TIPIN: variants seen among roughly 807,000 people sequenced by gnomAD.
TIPIN encodes TIMELESS-interacting protein.
Under a neutral mutation model 35.6 loss-of-function variants are expected in TIPIN, and 29 were observed. That is an observed-to-expected ratio of 0.82 (90% CI 0.61 to 1.11). TIPIN has a LOEUF of 1.11. Ranked by LOEUF, TIPIN falls within the 50% of genes most tolerant of loss-of-function variation. The pLI is 0.00. For synonymous variants in TIPIN, 102 were observed against 121.5 expected (o/e 0.84, Z 1.06); for missense variants, 296 against 345.4 (o/e 0.86, Z 1.13).
At position 66,362,320 on chromosome 15, in the gene TIPIN, G is replaced by A. The variant is rs542240466; in HGVS notation, c.-8-9365C>T. 4.0e-5 allele frequency among the ~76,000 whole-genome samples: 6 copies of A among 151,708 alleles called. No homozygotes were observed. In the East Asian group the frequency reaches 1.2e-3, roughly 29 times the overall value. On this transcript the variant is annotated intron_variant, in intron 1 of 7. Transcript: ENST00000562124. ...ACTCCATCTAAAAAAAAAAAAAGAAGAAGAAGACTTTTGAAAGACCAAAAA... is the reference window on the plus strand; with the variant it reads ...ACTCCATCTAAAAAAAAAAAAAGAAAAAGAAGACTTTTGAAAGACCAAAAA...
chr15:66,366,713 G>T, intron 1 of TIPIN: 1 of 605,088 alleles, frequency 1.7e-6, no homozygotes, highest in Non-Finnish European at 2.1e-6. Context: ...GTTGCAGTCA[G>T]CTGAGAATGC....
At chr15:66,359,030 T>C (rs1241112864), upstream of TIPIN, among the ~76,000 whole-genome samples, 1 of 148,480 alleles carries the variant, frequency 6.7e-6, no homozygotes, top group Non-Finnish European at 1.5e-5. Flanking sequence ...GTGATATAAC[T>C]AGACTCTGTC....
At chr15:66,343,756 T>C (rs544305936) in intron 6 of TIPIN, among the ~76,000 whole-genome samples, 5 of 152,288 alleles carry the variant, frequency 3.3e-5, no homozygotes, top group African/African-American at 1.2e-4. Context: ...CCCAGCACTT[T>C]TGGGGGCCGA....
At position 66,341,413 on chromosome 15, in the gene TIPIN, C is replaced by T; in HGVS notation, c.476-57G>A. 6.8e-6 allele frequency: 10 copies of T among 1,472,996 alleles called. No homozygotes were observed. The South Asian group carries it at 1.3e-4, about 19-fold the overall frequency. The allele number at this position is 1,472,996 out of a possible 1,614,324, so 91.2% of individuals were successfully genotyped here. On this transcript the variant is annotated intron_variant, in intron 6 of 7. Transcript: ENST00000261881. Reference sequence around the variant, plus strand: ...TGTTAGACTAGTTAGAGAAGGGCTTCTCATTGAAAAAGAATTTAAAGTGGC... The same window carrying T: ...TGTTAGACTAGTTAGAGAAGGGCTTTTCATTGAAAAAGAATTTAAAGTGGC...
chr15:66,361,675 T>C (rs955009228), upstream of TIPIN, among the ~76,000 whole-genome samples: 4 of 152,192 alleles, frequency 2.6e-5, no homozygotes, highest in South Asian at 2.1e-4. Context: ...AAAATATAGT[T>C]TTCCTACAGA....
chr15:66,356,647 G>C lies in TIPIN; in HGVS notation c.-17C>G, dbSNP rs927032234. 76 of 985,798 alleles carry C rather than the reference G, an allele frequency of 7.7e-5. 1 individual carries two copies. In the African/African-American group the frequency reaches 1.0e-3, roughly 14 times the overall value. 61.1% of individuals were successfully genotyped at this position (985,798 alleles called of 1,614,324 possible). A position where few individuals can be genotyped will look rare whatever the true frequency, so the allele number is the denominator to read the frequency against. On this transcript the variant is annotated 5_prime_UTR_variant, in exon 1 of 8. Coordinates refer to ENST00000261881, the MANE Select transcript of TIPIN (RefSeq NM_017858.3). ...CGCCAGCCAGCTCTCACCTCACGCA[G>C]AAAACACGGGACACAGCGCGGACCT...
intron 1 of TIPIN, chr15:66,382,867 C>T (rs537630150): frequency 1.3e-6 from 1 of 785,148 alleles, no homozygotes; most frequent in Non-Finnish European, 1.5e-6. Flanking sequence ...ATAGTTCAGT[C>T]TTATTCTTGT....
chr15:66,376,406 A>C (rs2093296875), intron 1 of TIPIN, among the ~76,000 whole-genome samples: 1 of 151,892 alleles, frequency 6.6e-6, no homozygotes, highest in Admixed American at 6.6e-5. Flanking sequence ...TTTTTGGTAT[A>C]TATGTCTAAT....
At chr15:66,357,566 C>T (rs2093211583), upstream of TIPIN, among the ~76,000 whole-genome samples, 4 of 117,000 alleles carry the variant, frequency 3.4e-5, no homozygotes, top group South Asian at 1.2e-3. Flanking sequence ...AGCTGGAGAT[C>T]CAGTCTGGGT....
intron 1 of TIPIN, among the ~76,000 whole-genome samples, chr15:66,380,287 G>A (rs1187797160): frequency 6.6e-6 from 1 of 150,566 alleles, no homozygotes; most frequent in Non-Finnish European, 1.5e-5. Context: ...TTACAGGCGT[G>A]AGCCACTGCG....
intron 1 of TIPIN, chr15:66,379,732 C>T: frequency 6.2e-7 from 1 of 1,608,606 alleles, no homozygotes; most frequent in African/African-American, 1.3e-5. Flanking sequence ...TTTCTGTTAC[C>T]CCACCATTTG....
At chr15:66,352,765 G>A (rs1268897967) in intron 2 of TIPIN, 50 bp downstream of exon 2, 2 of 1,531,806 alleles carry the variant, frequency 1.3e-6, no homozygotes, top group African/African-American at 1.4e-5. Flanking sequence ...ACAGGCATGA[G>A]CCACCGTGCC....
intron 1 of TIPIN, among the ~76,000 whole-genome samples, chr15:66,371,590 T>C (rs1243644564): frequency 6.6e-6 from 1 of 151,562 alleles, no homozygotes; most frequent in Non-Finnish European, 1.5e-5. Flanking sequence ...CTCGGCTCAC[T>C]GCAAGCTCTG....
At chr15:66,338,301 A>G (rs1228571312) in intron 7 of TIPIN, among the ~76,000 whole-genome samples, 1 of 152,112 alleles carries the variant, frequency 6.6e-6, no homozygotes, top group African/African-American at 2.4e-5. Flanking sequence ...ATAAAAACCA[A>G]GTGCGTTTAG....
chr15:66,364,056 A>T (rs555389648), intron 1 of TIPIN, among the ~76,000 whole-genome samples: 3 of 150,356 alleles, frequency 2.0e-5, no homozygotes, highest in African/African-American at 7.3e-5. Flanking sequence ...AACACTTCCC[A>T]CCAGGCCCCC....
At chr15:66,368,966 A>AGTTC (rs2093267963) in intron 1 of TIPIN, among the ~76,000 whole-genome samples, 7 of 152,172 alleles carry the variant, frequency 4.6e-5, no homozygotes, top group African/African-American at 1.7e-4. Flanking sequence ...GACATCACTG[A>AGTTC]ACTCTCTGAA....
Position 66,341,175 on chromosome 15 carries a change from C to T in TIPIN, c.657G>A (p.Leu219=), listed in dbSNP as rs752706474. 4 of 1,611,976 alleles carry T rather than the reference C, an allele frequency of 2.5e-6. No individual in the cohort carries two copies. Among genetic ancestry groups the T allele is most frequent in the African/African-American group, 2.7e-5 (2 of 75,002 alleles). ...LALERRQAKL[L]SNSQTLGNDM... is the part of the protein sequence containing the mutation. Reference sequence around the variant, plus strand: ...CATTTCCTAGGGTCTGACTATTACTCAGCAGCTTTGCCTGCCTTCTTTCCA... The same window carrying T: ...CATTTCCTAGGGTCTGACTATTACTTAGCAGCTTTGCCTGCCTTCTTTCCA... Residue 219 remains leucine (L), a synonymous_variant, in exon 7 of 8, where the codon CTG becomes CTA. Coordinates refer to ENST00000261881, the MANE Select transcript of TIPIN (RefSeq NM_017858.3).
chr15:66,349,378 A>AG lies in TIPIN; in HGVS notation c.347dup (p.Lys117Ter). 1 of 1,614,104 alleles carries AG rather than the reference A, an allele frequency of 6.2e-7. No homozygotes were observed. Among genetic ancestry groups the AG allele is most frequent in the Non-Finnish European group, 8.5e-7 (1 of 1,180,000 alleles). On this transcript the variant is annotated frameshift_variant, in exon 5 of 8. Coordinates refer to ENST00000261881, the MANE Select transcript of TIPIN (RefSeq NM_017858.3). LOFTEE classifies it high-confidence loss of function. ...CAATAAAATCCTCAAACTGCAGTTT[A>AG]GGGAATAGCCTATGTGCCCAGTGCT...
chr15:66,354,420 T>C (rs1388092970), intron 1 of TIPIN, among the ~76,000 whole-genome samples: 1 of 152,178 alleles, frequency 6.6e-6, no homozygotes, highest in Non-Finnish European at 1.5e-5. Flanking sequence ...ATCCCTTGAA[T>C]CTGTCTATTT....
Sources: gnomAD v4.1 joint callset for allele counts (sites outside exome capture counted in the v4.1 genomes callset) on GRCh38, gnomAD v4.1.1 for gene constraint, MANE v1.5 for transcripts, NCBI Gene and HGNC (gene_info 2026-07-23, HGNC 2026-07-21) for gene names.